The following STYXL2 variants were observed in gnomAD, a reference collection of about 807,000 sequenced individuals.
The protein encoded by STYXL2 is serine/threonine/tyrosine-interacting-like protein 2.
A neutral mutation model predicts 52.4 loss-of-function variants in STYXL2; 44 were observed. That is an observed-to-expected ratio of 0.84 (90% CI 0.66 to 1.08). STYXL2 has a LOEUF of 1.08. STYXL2 is among the 50% of genes least tolerant of loss of function. The probability of loss-of-function intolerance (pLI) is 0.00; values close to 1 mark genes in which losing one functional copy is unlikely to be tolerated. For synonymous variants in STYXL2, 604 were observed against 586.9 expected (o/e 1.03, Z -0.42); for missense variants, 1,604 against 1,471.7 (o/e 1.09, Z -1.47).
At chr1:167,117,686 C>T in intron 4 of STYXL2, 127 bp downstream of exon 4, 1 of 799,880 alleles carries the variant, frequency 1.3e-6, no homozygotes. Flanking sequence ...GCTGCCTAGC[C>T]ACTTACCCTG....
chr1:167,123,107 G>A (rs1667891993), intron 5 of STYXL2, among the ~76,000 whole-genome samples: 1 of 152,206 alleles, frequency 6.6e-6, no homozygotes, highest in Admixed American at 6.5e-5. Flanking sequence ...TAACCCAAGT[G>A]TATTTTGATA....
intron 2 of STYXL2, among the ~76,000 whole-genome samples, chr1:167,108,111 G>A (rs989326680): frequency 2.6e-5 from 4 of 152,152 alleles, no homozygotes; most frequent in African/African-American, 9.7e-5. Flanking sequence ...GAAATCATCA[G>A]GTTTGATCCC....
At chr1:167,114,460 G>C (rs1571340477) in intron 3 of STYXL2, among the ~76,000 whole-genome samples, 2 of 152,218 alleles carry the variant, frequency 1.3e-5, no homozygotes, top group Non-Finnish European at 2.9e-5. Context: ...GGGTGGAGTG[G>C]GATAAAGTGC....
In STYXL2 at chr1:167,126,258, C is replaced by T. The variant is rs1320662991; in HGVS notation, c.1127C>T (p.Ser376Phe). The T allele has an allele frequency of 6.5e-6, 10 of 1,543,908 alleles. No individual in the cohort carries two copies. The highest frequency in any genetic ancestry group is 2.3e-5 in the East Asian group (1 of 43,532). Reference protein sequence around the residue: ...PQDGGGWRSASSGQGGEELED... With the variant: ...PQDGGGWRSAFSGQGGEELED... ...GATGGAGGTGGCTGGCGCTCAGCCTCCTCTGGCCAGGGTGGGGAGGAGCTC... is the reference window on the plus strand; with the variant it reads ...GATGGAGGTGGCTGGCGCTCAGCCTTCTCTGGCCAGGGTGGGGAGGAGCTC... Residue 376 changes from serine (S) to phenylalanine (F), a missense_variant, in exon 6 of 6, where the codon TCC becomes TTC. Transcript: ENST00000361200.
intron 2 of STYXL2, among the ~76,000 whole-genome samples, chr1:167,103,346 C>T (rs988450370): frequency 6.6e-6 from 1 of 152,104 alleles, no homozygotes; most frequent in Admixed American, 6.6e-5. Flanking sequence ...TATATCCAGC[C>T]CCTAGGAAAC....
At chr1:167,116,651 G>GT (rs57553225) in intron 3 of STYXL2, among the ~76,000 whole-genome samples, 19,035 of 113,650 alleles carry the variant, frequency 0.17, 2,056 homozygotes, top group African/African-American at 0.2. Flanking sequence ...TTTTTTTTTG[G>GT]TTTTTTTTTT....
intron 2 of STYXL2, among the ~76,000 whole-genome samples, chr1:167,112,739 G>A (rs186964614): frequency 5.3e-5 from 8 of 152,256 alleles, no homozygotes; most frequent in South Asian, 4.2e-4. Context: ...ACCTTTCTGA[G>A]CCACAATTTT....
At chr1:167,111,311 C>T (rs762551297) in intron 2 of STYXL2, among the ~76,000 whole-genome samples, 20 of 151,476 alleles carry the variant, frequency 1.3e-4, no homozygotes, top group Non-Finnish European at 2.7e-4. Flanking sequence ...CCATTTGATC[C>T]AGCAATCCCA....
At chr1:167,104,027 GGT>G (rs1320878783) in intron 2 of STYXL2, among the ~76,000 whole-genome samples, 2 of 152,136 alleles carry the variant, frequency 1.3e-5, no homozygotes, top group Non-Finnish European at 2.9e-5. Context: ...GGCTGAGACA[GGT>G]GAATGGCATG....
At chr1:167,124,210 C>T (rs1667916425) in intron 5 of STYXL2, among the ~76,000 whole-genome samples, 1 of 152,190 alleles carries the variant, frequency 6.6e-6, no homozygotes, top group Non-Finnish European at 1.5e-5. Context: ...ACACCCTGGC[C>T]TGTGGCTTTG....
chr1:167,097,500 G>T (rs1040217088), intron 2 of STYXL2, among the ~76,000 whole-genome samples: 5 of 152,116 alleles, frequency 3.3e-5, no homozygotes, highest in Non-Finnish European at 5.9e-5. Context: ...CTGTAAATTT[G>T]GGTGTGGAGT....
At chr1:167,112,990 T>A (rs1667648955) in intron 2 of STYXL2, among the ~76,000 whole-genome samples, 1 of 152,174 alleles carries the variant, frequency 6.6e-6, no homozygotes, top group Non-Finnish European at 1.5e-5. Context: ...ACCGCCATAG[T>A]GCAGTCCCAG....
chr1:167,118,770 T>C (rs1571343432), intron 4 of STYXL2, among the ~76,000 whole-genome samples: 1 of 152,250 alleles, frequency 6.6e-6, no homozygotes, highest in East Asian at 1.9e-4. Context: ...TTTTATAATC[T>C]TCAAATGGGA....
chr1:167,126,389 G>A lies in STYXL2; in HGVS notation c.1258G>A (p.Glu420Lys). The change falls in exon 6 of 6, where the codon GAG becomes AAG. Residue 420 changes from glutamate (E) to lysine (K), a missense_variant. By Grantham distance (56) the Glu-to-Lys change is moderately conservative. Transcript: ENST00000361200. Reference protein sequence around the residue: ...RWGREEEKEEESDAGSSVGRR... With the variant: ...RWGREEEKEEKSDAGSSVGRR... ...GGGAAGGGAGGAGGAGAAGGAGGAG[G>A]AGAGCGACGCTGGCTCCTCGGTGGG... The A allele has an allele frequency of 6.4e-7, 1 of 1,554,126 alleles. No individual in the cohort carries two copies. The highest frequency in any genetic ancestry group is 8.7e-7 in the Non-Finnish European group (1 of 1,148,848).
In STYXL2 at chr1:167,128,123, G is replaced by T. The variant is rs199793061; in HGVS notation, c.2992G>T (p.Gly998Cys). The change falls in exon 6 of 6, where the codon GGC becomes TGC. Residue 998 changes from glycine (G) to cysteine (C), a missense_variant. Transcript: ENST00000361200. ...QDTSSYHEAN[G>C]NSVRSTSRFS... ...CACCTCCTCCTACCACGAGGCAAAT[G>T]GCAACTCTGTAAGAAGCACTTCACG... 4.6e-5 allele frequency: 75 copies of T among 1,614,054 alleles called. No individual in the cohort carries two copies. Among genetic ancestry groups the T allele is most frequent in the Non-Finnish European group, 5.9e-5 (70 of 1,180,034 alleles).
rs775976978 is a variant in STYXL2, at chr1:167,126,507, G to C, written c.1376G>C (p.Arg459Pro). Residue 459 changes from arginine (R) to proline (P), a missense_variant, in exon 6 of 6, where the codon CGC (arginine) becomes CCC (proline). Coordinates refer to ENST00000361200, the MANE Select transcript of STYXL2 (RefSeq NM_001080426.3). Reference protein sequence around the residue: ...WVLKQQLELNRPDHGRRRRAD... With the variant: ...WVLKQQLELNPPDHGRRRRAD... ...CTGAAGCAGCAGCTGGAGCTGAACCGCCCGGACCACGGCAGGAGGCGCCGC... is the reference window on the plus strand; with the variant it reads ...CTGAAGCAGCAGCTGGAGCTGAACCCCCCGGACCACGGCAGGAGGCGCCGC... The C allele has an allele frequency of 3.7e-6, 6 of 1,611,754 alleles. No individual in the cohort carries two copies. Among genetic ancestry groups the C allele is most frequent in the Non-Finnish European group, 5.1e-6 (6 of 1,179,158 alleles).
At chr1:167,114,809 A>G (rs143259330) in intron 3 of STYXL2, among the ~76,000 whole-genome samples, 1 of 152,008 alleles carries the variant, frequency 6.6e-6, no homozygotes, top group East Asian at 1.9e-4. Flanking sequence ...TTGCTCCAAG[A>G]TATCTTGTCC....
intron 5 of STYXL2, among the ~76,000 whole-genome samples, chr1:167,124,240 C>T (rs1373054920): frequency 2.6e-5 from 4 of 152,170 alleles, no homozygotes; most frequent in African/African-American, 9.7e-5. Flanking sequence ...ATTTACCTCC[C>T]TCTAGTGGCT....
chr1:167,126,416 A>T lies in STYXL2; in HGVS notation c.1285A>T (p.Arg429Trp), dbSNP rs756182069. 2 of 1,559,748 alleles carry T rather than the reference A, an allele frequency of 1.3e-6. No individual in the cohort carries two copies. Among genetic ancestry groups the T allele is most frequent in the Non-Finnish European group, 1.7e-6 (2 of 1,152,454 alleles). Reference sequence around the variant, plus strand: ...GAGCGACGCTGGCTCCTCGGTGGGGAGGCGGCGGCGCACCCTGAGCGAGAG... The same window carrying T: ...GAGCGACGCTGGCTCCTCGGTGGGGTGGCGGCGGCGCACCCTGAGCGAGAG... Reference protein sequence around the residue: ...EESDAGSSVGRRRRTLSESSA... With the variant: ...EESDAGSSVGWRRRTLSESSA... Residue 429 changes from arginine to tryptophan, a missense_variant, in exon 6 of 6, where the codon AGG (arginine) becomes TGG (tryptophan). Physicochemically the swap from Arg to Trp is moderately radical, Grantham distance 101 (BLOSUM62 -3). Transcript: ENST00000361200.
Sources: allele counts gnomAD v4.1 joint callset (sites outside exome capture counted in the v4.1 genomes callset), GRCh38; gene constraint gnomAD v4.1.1; transcripts MANE v1.5; gene names NCBI Gene and HGNC (gene_info 2026-07-23, HGNC 2026-07-21).